METTL6: variants seen among roughly 807,000 people sequenced by gnomAD.
METTL6 encodes the protein tRNA N(3)-cytidine methyltransferase METTL6.
A neutral mutation model predicts 26.4 loss-of-function variants in METTL6; 22 were observed. The ratio of observed to expected loss-of-function variants is 0.83; its 90% confidence interval spans 0.59 to 1.19. The LOEUF is 1.19. Ranked by LOEUF, METTL6 falls within the 50% of genes most tolerant of loss-of-function variation. METTL6 has a pLI of 0.00. For synonymous variants in METTL6, 109 were observed against 116.2 expected, an observed-to-expected ratio of 0.94 and a Z score of 0.40; for missense variants, 304 against 324.8, an observed-to-expected ratio of 0.94 and a Z score of 0.49.
chr3:15,410,511 A>G lies in METTL6; in HGVS notation c.*745T>C, dbSNP rs1699924622. Among the ~76,000 whole-genome samples the G allele has an allele frequency of 6.6e-6, 1 of 152,050 alleles. No individual in the cohort carries two copies. Among genetic ancestry groups the G allele is most frequent in the Admixed American group, 6.6e-5 (1 of 15,254 alleles). ...TTTTCTGTAGAGACAGAGTTTCACC[A>G]TGTTGCCCACACTGGTCTTGAACTC... On this transcript the variant is annotated 3_prime_UTR_variant, in exon 6 of 6. Transcript: ENST00000383790.
intron 6 of METTL6, among the ~76,000 whole-genome samples, chr3:15,389,766 C>A (rs1272163756): frequency 2.6e-5 from 4 of 151,364 alleles, no homozygotes; most frequent in Admixed American, 2.0e-4. Context: ...TCAGGCTGGT[C>A]TCAAACTCCC....
chr3:15,403,536 A>G (rs1436761392), intron 6 of METTL6, among the ~76,000 whole-genome samples: 2 of 152,152 alleles, frequency 1.3e-5, no homozygotes, highest in Admixed American at 1.3e-4. Flanking sequence ...CACGATTTCC[A>G]CAGCGTTTCT....
intron 2 of METTL6, among the ~76,000 whole-genome samples, chr3:15,425,387 C>A (rs2061695350): frequency 6.6e-6 from 1 of 152,166 alleles, no homozygotes; most frequent in Non-Finnish European, 1.5e-5. Context: ...CAGCTCTGTG[C>A]CTCAATTTTA....
At position 15,426,368 on chromosome 3, in the gene METTL6, A is replaced by G; in HGVS notation, c.144T>C (p.Phe48=). The G allele has an allele frequency of 6.2e-7, 1 of 1,614,192 alleles. No individual in the cohort carries two copies. Among genetic ancestry groups the G allele is most frequent in the Non-Finnish European group, 8.5e-7 (1 of 1,180,036 alleles). The stretch of plus-strand genomic sequence containing the variant: ...AGAAATTAGTGCTATTTCTTTTGTA[A>G]AAAAGATCCCAATTTTTCTGAGCCT... The part of the protein sequence containing the change: ...EQEAQKNWDL[F]YKRNSTNFFK... The change falls in exon 2 of 6, where the codon TTT becomes TTC. Residue 48 remains phenylalanine, a synonymous_variant. Coordinates refer to ENST00000383790, the MANE Select transcript of METTL6 (RefSeq NM_152396.4).
intron 6 of METTL6, among the ~76,000 whole-genome samples, chr3:15,398,026 C>T (rs1038939595): frequency 9.2e-5 from 14 of 152,016 alleles, no homozygotes; most frequent in Non-Finnish European, 1.5e-5. Flanking sequence ...TGCACCCCAA[C>T]CAATCGGCAG....
At chr3:15,407,365 T>C (rs752972444), downstream of METTL6, among the ~76,000 whole-genome samples, 31 of 152,154 alleles carry the variant, frequency 2.0e-4, no homozygotes, top group Non-Finnish European at 3.8e-4. Flanking sequence ...CCTGGCTTTA[T>C]GGGGGTTAGA....
intron 6 of METTL6, among the ~76,000 whole-genome samples, chr3:15,398,284 C>T (rs1056688912): frequency 6.6e-6 from 1 of 151,998 alleles, no homozygotes; most frequent in Non-Finnish European, 1.5e-5. Context: ...ATCTTTGCCT[C>T]CTGGGTTCAA....
At chr3:15,401,509 G>GA (rs1181908416) in intron 6 of METTL6, among the ~76,000 whole-genome samples, 1 of 118,976 alleles carries the variant, frequency 8.4e-6, no homozygotes, top group Non-Finnish European at 1.6e-5. Context: ...CCTCAAAGGT[G>GA]AAGGATACAG....
intron 4 of METTL6, chr3:15,415,385 G>A: frequency 9.6e-7 from 1 of 1,044,094 alleles, no homozygotes; most frequent in South Asian, 1.5e-5. Flanking sequence ...TCAAACTCCT[G>A]ACCTCAAGTG....
In METTL6 at chr3:15,401,393, C is replaced by T. The variant is rs184231505; in HGVS notation, c.*11+9852G>A. ...TTCACCATATTGTCCAGCCTGGTCT[C>T]GAATTCCTGGGCTCAGCTGATCCAC... On this transcript the variant is annotated intron_variant, in intron 6 of 6. Coordinates refer to the METTL6 transcript ENST00000443029. Among the ~76,000 whole-genome samples the T allele has an allele frequency of 4.8e-4, 73 of 151,954 alleles. 1 individual carries two copies. Among genetic ancestry groups the T allele is most frequent in the Non-Finnish European group, 1.6e-4 (11 of 67,934 alleles).
rs34533979 is a variant in METTL6, at chr3:15,425,711, C to T, written c.225+576G>A. 5.1e-3 allele frequency among the ~76,000 whole-genome samples: 769 copies of T among 152,210 alleles called. 8 individuals carry two copies. The highest frequency in any genetic ancestry group is 0.017 in the Middle Eastern group (5 of 294). On this transcript the variant is annotated intron_variant, in intron 2 of 5. Transcript: ENST00000383790. ...GGAGTAGCTGGCAATAGCCACCAGA[C>T]CTGGCTCTTGAATTTAATATATAAT...
chr3:15,399,847 T>C (rs1263425998), intron 6 of METTL6, among the ~76,000 whole-genome samples: 1 of 152,092 alleles, frequency 6.6e-6, no homozygotes, highest in African/African-American at 2.4e-5. Context: ...CGAGAATTAA[T>C]GTCACCTCAA....
chr3:15,383,243 C>T (rs1699116245), exon 7 of METTL6: 1 of 152,108 alleles, frequency 6.6e-6, no homozygotes, highest in African/African-American at 2.4e-5. Flanking sequence ...AAAACAATTA[C>T]TAAGTTTTTA....
chr3:15,415,429 T>C, intron 4 of METTL6: 2 of 1,445,552 alleles, frequency 1.4e-6, no homozygotes, highest in East Asian at 4.9e-5. Flanking sequence ...AGTGTTGGGA[T>C]TACAGGCATG....
chr3:15,403,606 T>C (rs1699706314), intron 6 of METTL6, among the ~76,000 whole-genome samples: 1 of 152,242 alleles, frequency 6.6e-6, no homozygotes, highest in Admixed American at 6.5e-5. Flanking sequence ...TATCTTACTC[T>C]GGCTGAGTGA....
At chr3:15,406,220 T>C (rs1456776761), downstream of METTL6, among the ~76,000 whole-genome samples, 7 of 152,076 alleles carry the variant, frequency 4.6e-5, no homozygotes, top group African/African-American at 1.7e-4. Context: ...GTTGACTCTT[T>C]GTAGTCTATA....
In METTL6 at chr3:15,410,363, C is replaced by A. The variant is rs1391316474; in HGVS notation, c.*893G>T. On this transcript the variant is annotated 3_prime_UTR_variant, in exon 6 of 6. Coordinates refer to ENST00000383790, the MANE Select transcript of METTL6 (RefSeq NM_152396.4). ...TTTGAGACAGACTTTTGCTCTGTCGCCCAGGCTGGAGTGCAGTAGCGTGAT... is the reference window on the plus strand; with the variant it reads ...TTTGAGACAGACTTTTGCTCTGTCGACCAGGCTGGAGTGCAGTAGCGTGAT... 6.6e-6 allele frequency among the ~76,000 whole-genome samples: 1 copy of A among 152,148 alleles called. No individual in the cohort carries two copies. Among genetic ancestry groups the A allele is most frequent in the Non-Finnish European group, 1.5e-5 (1 of 68,028 alleles).
At chr3:15,427,548 G>A, upstream of METTL6, 2 of 548,676 alleles carry the variant, frequency 3.6e-6, no homozygotes, top group Non-Finnish European at 3.2e-6. Context: ...TAGGAACCCG[G>A]AAGTTCCTAC....
downstream of METTL6, among the ~76,000 whole-genome samples, chr3:15,409,745 A>T (rs1201484647): frequency 6.6e-6 from 1 of 152,200 alleles, no homozygotes; most frequent in African/African-American, 2.4e-5. Flanking sequence ...CAACAATCAG[A>T]TATGGAGCCA....
Sources: gnomAD v4.1 joint callset for allele counts (sites outside exome capture counted in the v4.1 genomes callset) on GRCh38, gnomAD v4.1.1 for gene constraint, MANE v1.5 for transcripts, NCBI Gene and HGNC (gene_info 2026-07-23, HGNC 2026-07-21) for gene names.